The following FARP1 variants were observed in gnomAD, a reference collection of about 807,000 sequenced individuals.
FARP1 encodes FERM, ARH/RhoGEF and pleckstrin domain protein 1.
Under a neutral mutation model 128.8 loss-of-function variants are expected in FARP1, and 52 were observed. The ratio of observed to expected loss-of-function variants is 0.40; its 90% confidence interval spans 0.32 to 0.51. FARP1 has a LOEUF of 0.51. Among genes scored for constraint, FARP1 ranks in the 20% least tolerant of loss-of-function variants. The pLI, the probability that FARP1 is intolerant of heterozygous loss-of-function variation, is 0.45. For missense variants in FARP1, 1,333 were observed against 1,367.9 expected, an observed-to-expected ratio of 0.97 and a Z score of 0.40; for synonymous variants, 580 against 551.8, an observed-to-expected ratio of 1.05 and a Z score of -0.72.
intron 2 of FARP1, among the ~76,000 whole-genome samples, chr13:98,223,392 A>C (rs1016794166): frequency 5.3e-5 from 8 of 152,014 alleles, no homozygotes; most frequent in African/African-American, 1.7e-4. Context: ...GTGGCACGAT[A>C]TTGGCTCACT....
chr13:98,313,349 C>T (rs924225554), intron 2 of FARP1, among the ~76,000 whole-genome samples: 4 of 151,480 alleles, frequency 2.6e-5, no homozygotes, highest in African/African-American at 7.3e-5. Flanking sequence ...CCTGCACAAA[C>T]GTGCAGGCCC....
Position 98,453,082 on chromosome 13 carries a change from G to A in FARP1, c.*4765G>A. ...GCTCCCAGTGGCGCACCTCTTCGGT[G>A]GAGTCAGCGAAGGCTCTCGTTGACT... On this transcript the variant is annotated 3_prime_UTR_variant, in exon 27 of 27. Coordinates refer to ENST00000319562, the MANE Select transcript of FARP1 (RefSeq NM_005766.4). The A allele has an allele frequency of 2.0e-6, 3 of 1,478,206 alleles. No individual in the cohort carries two copies. The South Asian group carries it at 3.5e-5, about 17-fold the overall frequency. The allele number at this position is 1,478,206 out of a possible 1,614,324, so 91.6% of individuals were successfully genotyped here. A position where few individuals can be genotyped will look rare whatever the true frequency, so the allele number is the denominator to read the frequency against.
intron 6 of FARP1, among the ~76,000 whole-genome samples, chr13:98,380,122 T>C (rs1364256693): frequency 1.3e-5 from 2 of 152,312 alleles, no homozygotes; most frequent in African/African-American, 4.8e-5. Flanking sequence ...TTTCCTCCTA[T>C]GTTTTTTTCT....
chr13:98,160,766 G>A (rs545143089), intron 1 of FARP1, among the ~76,000 whole-genome samples: 1 of 152,216 alleles, frequency 6.6e-6, no homozygotes, highest in African/African-American at 2.4e-5. Context: ...CGGTTCAAGT[G>A]ATTCTCCTGC....
rs34285712 is a variant in FARP1 at position 98,165,214 on chromosome 13, CAAA to C, written c.-24+21744_-24+21746del. The stretch of plus-strand genomic sequence containing the variant: ...TGGGTGACAAAGCCAGACTCTGTCT[CAAA>C]AAAAAAAAAAAAAAAAAAAAATTGT... On this transcript the variant is annotated intron_variant, in intron 1 of 26. Coordinates refer to ENST00000319562, the MANE Select transcript of FARP1 (RefSeq NM_005766.4). Among the ~76,000 whole-genome samples the C allele has an allele frequency of 8.3e-3, 703 of 84,726 alleles. 6 individuals carry two copies. The highest frequency in any genetic ancestry group is 0.028 in the African/African-American group (660 of 23,826). The allele number at this position is 84,726 out of a possible 152,430, so 55.6% of individuals were successfully genotyped here.
intron 1 of FARP1, among the ~76,000 whole-genome samples, chr13:98,192,450 C>T (rs889529108): frequency 6.6e-6 from 1 of 151,898 alleles, no homozygotes; most frequent in Non-Finnish European, 1.5e-5. Flanking sequence ...AGTGCAGTGG[C>T]ATGATTTCAG....
intron 2 of FARP1, chr13:98,245,146 A>G: frequency 1.0e-6 from 1 of 992,788 alleles, no homozygotes. Flanking sequence ...CTGAAGTTTA[A>G]TTCCTGAAAG....
chr13:98,182,587 A>G (rs1878610556), intron 1 of FARP1, among the ~76,000 whole-genome samples: 1 of 152,170 alleles, frequency 6.6e-6, no homozygotes, highest in Non-Finnish European at 1.5e-5. Flanking sequence ...TTGGCCTTCC[A>G]AAGTGCTGGG....
intron 2 of FARP1, among the ~76,000 whole-genome samples, chr13:98,241,420 T>C (rs1345529969): frequency 3.9e-5 from 6 of 152,132 alleles, no homozygotes; most frequent in Non-Finnish European, 2.9e-5. Flanking sequence ...AACAGGCACA[T>C]GGAAGAGACC....
chr13:98,446,795 G>T lies in FARP1; in HGVS notation c.3034G>T (p.Glu1012Ter). The change falls in exon 26 of 27, where the codon GAA (glutamate) becomes TAA (stop). Residue 1012 changes from glutamate (E) to a stop codon, truncating the protein, a stop_gained. Coordinates refer to ENST00000319562, the MANE Select transcript of FARP1 (RefSeq NM_005766.4). LOFTEE classifies it high-confidence loss of function. Reference sequence around the variant, plus strand: ...GTCCCACGTCTACTACTTCAGGGCGGAAAGCGAGTACACGTTCGAAAGGTA... The same window carrying T: ...GTCCCACGTCTACTACTTCAGGGCGTAAAGCGAGTACACGTTCGAAAGGTA... ...FKSHVYYFRA[E>*]SEYTFERWME... The T allele has an allele frequency of 6.2e-7, 1 of 1,614,130 alleles. No homozygotes were observed. Among genetic ancestry groups the T allele is most frequent in the Non-Finnish European group, 8.5e-7 (1 of 1,180,032 alleles).
intron 1 of FARP1, among the ~76,000 whole-genome samples, chr13:98,185,480 C>T (rs2139215800): frequency 6.6e-6 from 1 of 152,206 alleles, no homozygotes; most frequent in South Asian, 2.1e-4. Context: ...GATCAGAACA[C>T]CCATAGAAAA....
chr13:98,272,452 C>T (rs927604682), intron 2 of FARP1, among the ~76,000 whole-genome samples: 3 of 152,080 alleles, frequency 2.0e-5, no homozygotes, highest in Admixed American at 6.5e-5. Flanking sequence ...ATTTGGGAAC[C>T]CGTTCGTGAA....
chr13:98,170,008 AAATT>A (rs1482442156), intron 1 of FARP1, among the ~76,000 whole-genome samples: 1 of 152,156 alleles, frequency 6.6e-6, no homozygotes, highest in Non-Finnish European at 1.5e-5. Flanking sequence ...AGATCTCTTC[AAATT>A]AATCTTTATA....
intron 24 of FARP1, among the ~76,000 whole-genome samples, chr13:98,444,258 G>T (rs760635661): frequency 6.6e-6 from 1 of 152,102 alleles, no homozygotes; most frequent in Non-Finnish European, 1.5e-5. Context: ...ACCTTGACTC[G>T]ATCGCATCTG....
chr13:98,453,358 T>C lies in FARP1; in HGVS notation c.*5041T>C. On this transcript the variant is annotated 3_prime_UTR_variant, in exon 27 of 27. Coordinates refer to ENST00000319562, the MANE Select transcript of FARP1 (RefSeq NM_005766.4). ...CAAATATCAATGTGTAAGTCTAATT[T>C]TAAAAGAATGCATATAAAGACTGAG... 1.3e-6 allele frequency: 1 copy of C among 760,992 alleles called. No homozygotes were observed. Among genetic ancestry groups the C allele is most frequent in the Non-Finnish European group, 2.1e-6 (1 of 471,836 alleles). 47.1% of individuals were successfully genotyped at this position (760,992 alleles called of 1,614,324 possible). A position where few individuals can be genotyped will look rare whatever the true frequency, so the allele number is the denominator to read the frequency against.
intron 15 of FARP1, among the ~76,000 whole-genome samples, chr13:98,411,273 G>C (rs1414386435): frequency 1.3e-5 from 2 of 152,162 alleles, no homozygotes; most frequent in Non-Finnish European, 2.9e-5. Flanking sequence ...GCTCAGTCTT[G>C]AAAACAAATT....
intron 2 of FARP1, among the ~76,000 whole-genome samples, chr13:98,248,815 C>G (rs1883193364): frequency 6.6e-6 from 1 of 151,802 alleles, no homozygotes; most frequent in Admixed American, 6.6e-5. Flanking sequence ...CGTTTTCGTG[C>G]TTTTTGTTGG....
chr13:98,412,901 A>G (rs1014910597), intron 16 of FARP1, among the ~76,000 whole-genome samples: 11 of 152,228 alleles, frequency 7.2e-5, no homozygotes, highest in Non-Finnish European at 1.3e-4. Context: ...TTTGGCAGAA[A>G]TAGAACCCGT....
chr13:98,381,940 G>T (rs1889901388), intron 6 of FARP1, among the ~76,000 whole-genome samples: 1 of 152,086 alleles, frequency 6.6e-6, no homozygotes, highest in Non-Finnish European at 1.5e-5. Context: ...ATCTCTGGAG[G>T]CCAGGAGTTC....
Sources: allele counts gnomAD v4.1 joint callset (sites outside exome capture counted in the v4.1 genomes callset), GRCh38; gene constraint gnomAD v4.1.1; transcripts MANE v1.5; gene names NCBI Gene and HGNC (gene_info 2026-07-23, HGNC 2026-07-21).